Variants in A2M observed in about 807,000 individuals in gnomAD.
A2M encodes alpha-2-macroglobulin.
A2M carries 128 observed loss-of-function variants against 183.9 expected under a neutral mutation model. The observed-to-expected ratio is 0.70, with a 90% confidence interval of 0.60 to 0.81. The LOEUF (loss-of-function observed/expected upper bound fraction) is 0.81. Ranked by LOEUF, A2M falls within the 30% of genes least tolerant of loss-of-function variation. The pLI is 0.00. For synonymous variants in A2M, 592 were observed against 670.8 expected, an observed-to-expected ratio of 0.88 and a Z score of 1.81; for missense variants, 1,495 against 1,787.6, an observed-to-expected ratio of 0.84 and a Z score of 2.95.
In A2M at chr12:9,080,141, G is replaced by A. The variant is rs1331274219; in HGVS notation, c.2807C>T (p.Pro936Leu). 1.9e-6 allele frequency: 3 copies of A among 1,588,330 alleles called. No individual in the cohort carries two copies. The highest frequency in any genetic ancestry group is 3.5e-5 in the Admixed American group (2 of 56,906). Residue 936 changes from proline to leucine, a missense_variant, in exon 23 of 36, where the codon CCA (proline) becomes CTA (leucine). By Grantham distance (98) the Pro-to-Leu change is moderately conservative. Transcript: ENST00000318602. ...GGCAGATTCTTCTACCACATTTGGT[G>A]GCAGTTTCAGGGATAATTCTTCAGA... ...EVSEELSLKL[P>L]PNVVEESARA...
intron 28 of A2M, 78 bp downstream of exon 28, chr12:9,076,678 G>A (rs1653383864): frequency 7.3e-7 from 1 of 1,363,546 alleles, no homozygotes; most frequent in African/African-American, 1.4e-5. Flanking sequence ...ATCACAGGAG[G>A]TAGGAGTGAG....
intron 18 of A2M, among the ~76,000 whole-genome samples, chr12:9,092,017 T>G (rs922505021): frequency 2.0e-5 from 3 of 152,216 alleles, no homozygotes; most frequent in South Asian, 4.1e-4. Context: ...ACTGAAAAAT[T>G]AGCTAACAGC....
rs759246562 is a variant in A2M at position 9,102,423 on chromosome 12, C to T, written c.1267-749G>A. On this transcript the variant is annotated intron_variant, in intron 11 of 35. Coordinates refer to ENST00000318602, the MANE Select transcript of A2M (RefSeq NM_000014.6). Reference sequence around the variant, plus strand: ...TAGAGACAGGGTTTCACCACGTTGCCTAGGCTCGTCTCGATCTCCTGGCCT... The same window carrying T: ...TAGAGACAGGGTTTCACCACGTTGCTTAGGCTCGTCTCGATCTCCTGGCCT... Among the ~76,000 whole-genome samples, 5 of 152,240 alleles carry T rather than the reference C, an allele frequency of 3.3e-5. No individual in the cohort carries two copies. In the South Asian group the frequency reaches 1.0e-3, roughly 32 times the overall value.
chr12:9,102,436 G>C (rs966712146), intron 11 of A2M, among the ~76,000 whole-genome samples: 4 of 151,962 alleles, frequency 2.6e-5, no homozygotes, highest in African/African-American at 9.7e-5. Flanking sequence ...GGCTCGTCTC[G>C]ATCTCCTGGC....
intron 11 of A2M, 40 bp from the exon 12 acceptor site, chr12:9,101,714 G>A (rs755213233): frequency 5.3e-5 from 76 of 1,447,604 alleles, no homozygotes; most frequent in South Asian, 1.1e-4. Context: ...TAGATTATAC[G>A]TCATAAAGAT....
At chr12:9,068,915 C>T in intron 33 of A2M, 73 bp from the exon 34 acceptor site, 1 of 1,121,290 alleles carries the variant, frequency 8.9e-7, no homozygotes, top group Non-Finnish European at 1.3e-6. Flanking sequence ...TAAGTATTCA[C>T]CTGTTTTTTG....
intron 22 of A2M, among the ~76,000 whole-genome samples, chr12:9,087,533 G>A (rs1949084738): frequency 6.6e-6 from 1 of 152,094 alleles, no homozygotes; most frequent in Admixed American, 6.6e-5. Flanking sequence ...TGGTGTTCAA[G>A]GGACACAAAG....
At chr12:9,106,691 G>T (rs1326519845) in intron 8 of A2M, 86 bp from the exon 9 acceptor site, 2 of 637,436 alleles carry the variant, frequency 3.1e-6, no homozygotes, top group Non-Finnish European at 5.4e-6. Context: ...TGATTTTTGT[G>T]GGGGGACAAC....
chr12:9,108,086 T>C (rs1938441366), intron 7 of A2M, among the ~76,000 whole-genome samples: 1 of 151,638 alleles, frequency 6.6e-6, no homozygotes, highest in South Asian at 2.1e-4. Flanking sequence ...CATCTCTATA[T>C]CGAGTTTCAC....
intron 8 of A2M, among the ~76,000 whole-genome samples, 154 bp downstream of exon 8, chr12:9,107,370 T>G (rs1274208622): frequency 2.6e-5 from 4 of 152,242 alleles, no homozygotes; most frequent in African/African-American, 9.6e-5. Context: ...ATTCCCATTG[T>G]GCTAAGTTCA....
At chr12:9,070,271 C>T (rs1948529210) in intron 32 of A2M, among the ~76,000 whole-genome samples, 1 of 152,224 alleles carries the variant, frequency 6.6e-6, no homozygotes, top group African/African-American at 2.4e-5. Context: ...CAGGAACCTG[C>T]TGACAATCTT....
chr12:9,081,206 A>G (rs896309820), intron 22 of A2M, among the ~76,000 whole-genome samples: 2 of 152,204 alleles, frequency 1.3e-5, no homozygotes, highest in African/African-American at 4.8e-5. Context: ...AAGATTATAA[A>G]GGCAATTAAT....
In A2M at chr12:9,104,522, C is replaced by T. The variant is rs1350254820; in HGVS notation, c.1105-122G>A. ...AACATGGTTCCAGGCACTGAGGACACAGCAGTGAAAAAAAACGAAGTTTCT... is the reference window on the plus strand; with the variant it reads ...AACATGGTTCCAGGCACTGAGGACATAGCAGTGAAAAAAAACGAAGTTTCT... On this transcript the variant is annotated intron_variant, in intron 10 of 35. Coordinates refer to ENST00000318602, the MANE Select transcript of A2M (RefSeq NM_000014.6). The T allele has an allele frequency of 2.9e-6, 3 of 1,025,064 alleles. No individual in the cohort carries two copies. In the East Asian group the frequency reaches 8.0e-5, roughly 27 times the overall value. 63.5% of individuals were successfully genotyped at this position (1,025,064 alleles called of 1,614,324 possible).
At chr12:9,093,051 T>C (rs1731583348) in intron 18 of A2M, among the ~76,000 whole-genome samples, 1 of 152,078 alleles carries the variant, frequency 6.6e-6, no homozygotes, top group Admixed American at 6.6e-5. Context: ...CTAAAAGAAG[T>C]TGAATACATA....
intron 15 of A2M, 36 bp downstream of exon 15, chr12:9,098,571 G>T: frequency 6.4e-7 from 1 of 1,566,780 alleles, no homozygotes; most frequent in Non-Finnish European, 8.6e-7. Flanking sequence ...CCCCTGGCAC[G>T]GCCCTTCTTG....
Position 9,089,086 on chromosome 12 carries a change from G to C in A2M, c.2770+114C>G, listed in dbSNP as rs149630403. 3.0e-3 allele frequency: 2,461 copies of C among 820,512 alleles called. 5 individuals are homozygous for C. The highest frequency in any genetic ancestry group is 3.8e-3 in the Non-Finnish European group (1,991 of 522,280). The allele number at this position is 820,512 out of a possible 1,614,324, so 50.8% of individuals were successfully genotyped here. On this transcript the variant is annotated intron_variant, in intron 22 of 35. Transcript: ENST00000318602. ...ATTTTCCACATTTGTCAAATGCATT[G>C]ATGGTGCTTCAGGTCTTAGATCACA...
Position 9,077,840 on chromosome 12 carries a change from A to G in A2M, c.3137T>C (p.Leu1046Pro), listed in dbSNP as rs1263997187. 1 of 1,614,172 alleles carries G rather than the reference A, an allele frequency of 6.2e-7. No individual in the cohort carries two copies. The highest frequency in any genetic ancestry group is 8.5e-7 in the Non-Finnish European group (1 of 1,180,010). ...GGCTCGAGCTTGGGCAAAAGTCTTC[A>G]GAACAAAGGCTGTGAGCCTGACCAG... The part of the protein sequence containing the change: ...QGNTWLTAFV[L>P]KTFAQARAYI... The change falls in exon 26 of 36, where the codon CTG (leucine) becomes CCG (proline). Residue 1046 changes from leucine (L) to proline (P), a missense_variant. Coordinates refer to ENST00000318602, the MANE Select transcript of A2M (RefSeq NM_000014.6).
At chr12:9,092,659 G>C (rs1592362941) in intron 18 of A2M, among the ~76,000 whole-genome samples, 1 of 152,120 alleles carries the variant, frequency 6.6e-6, no homozygotes, top group East Asian at 1.9e-4. Context: ...CACTCCCCTT[G>C]GTGCAAATGT....
Position 9,067,734 on chromosome 12 carries a change from C to G in A2M, c.*89G>C, listed in dbSNP as rs2137604832. Reference sequence around the variant, plus strand: ...ACATTGACCAGAAAAAGTGTTTATTCATCAAGTCTTTAAAGATACAAAAAC... The same window carrying G: ...ACATTGACCAGAAAAAGTGTTTATTGATCAAGTCTTTAAAGATACAAAAAC... On this transcript the variant is annotated 3_prime_UTR_variant, in exon 36 of 36. Transcript: ENST00000318602. The G allele has an allele frequency of 8.6e-7, 1 of 1,158,860 alleles. No homozygotes were observed. Among genetic ancestry groups the G allele is most frequent in the Middle Eastern group, 1.9e-4 (1 of 5,182 alleles). The allele number at this position is 1,158,860 out of a possible 1,614,324, so 71.8% of individuals were successfully genotyped here.
Sources: allele counts gnomAD v4.1 joint callset (sites outside exome capture counted in the v4.1 genomes callset), GRCh38; gene constraint gnomAD v4.1.1; transcripts MANE v1.5; gene names NCBI Gene and HGNC (gene_info 2026-07-23, HGNC 2026-07-21).